CSMD1: variants seen among roughly 807,000 people sequenced by gnomAD.
The protein encoded by CSMD1 is CUB and sushi domain-containing protein 1.
CSMD1 carries 213 observed loss-of-function variants against 417.5 expected under a neutral mutation model. The ratio of observed to expected loss-of-function variants is 0.51; its 90% confidence interval spans 0.46 to 0.57. CSMD1 has a LOEUF of 0.57. Among genes scored for constraint, CSMD1 ranks in the 20% least tolerant of loss-of-function variants. The pLI is 0.00. For missense variants in CSMD1, 6,923 were observed against 4,529.7 expected, an observed-to-expected ratio of 1.53 and a Z score of -15.17; for synonymous variants, 2,862 against 1,736.8, an observed-to-expected ratio of 1.65 and a Z score of -16.11.
chr8:3,339,825 G>T (rs1397435342), intron 23 of CSMD1, among the ~76,000 whole-genome samples: 1 of 152,146 alleles, frequency 6.6e-6, no homozygotes, highest in Non-Finnish European at 1.5e-5. Flanking sequence ...CGATTTCACA[G>T]AGCTATGGGT....
intron 26 of CSMD1, among the ~76,000 whole-genome samples, chr8:3,261,317 C>T (rs947082231): frequency 1.3e-5 from 2 of 151,998 alleles, no homozygotes; most frequent in Non-Finnish European, 2.9e-5. Context: ...CAGTTAAAAG[C>T]AAAACATTCA....
At position 4,170,824 on chromosome 8, in the gene CSMD1, C is replaced by A. The variant is rs1014129578; in HGVS notation, c.416-138725G>T. ...TTACCTATGTATTCATCATGATCTT[C>A]TCTCATTTATAACATAAGCATGAAT... On this transcript the variant is annotated intron_variant, in intron 3 of 69. Coordinates refer to ENST00000635120, the MANE Select transcript of CSMD1 (RefSeq NM_033225.6). Among the ~76,000 whole-genome samples the A allele has an allele frequency of 2.0e-5, 3 of 151,680 alleles. 1 individual carries two copies. The highest frequency in any genetic ancestry group is 4.4e-5 in the Non-Finnish European group (3 of 68,002).
intron 3 of CSMD1, among the ~76,000 whole-genome samples, chr8:4,220,755 G>T (rs1372033108): frequency 6.6e-6 from 1 of 152,158 alleles, no homozygotes; most frequent in South Asian, 2.1e-4. Flanking sequence ...AGAGAAACAG[G>T]GTGGAGAATA....
rs186721539 is a variant in CSMD1, at chr8:3,095,229, C to G, written c.7138+1620G>C. ...ATGTCCTTTGTAGGGATATATATGT[C>G]TATATATACACAAACACAAACACAG... is the stretch of plus-strand genomic sequence containing the variant. On this transcript the variant is annotated intron_variant, in intron 47 of 69. Transcript: ENST00000635120. 4.6e-3 allele frequency among the ~76,000 whole-genome samples: 705 copies of G among 152,168 alleles called. 4 individuals carry two copies. Among genetic ancestry groups the G allele is most frequent in the African/African-American group, 0.016 (671 of 41,536 alleles).
At chr8:4,204,786 C>G (rs901695081) in intron 3 of CSMD1, among the ~76,000 whole-genome samples, 1 of 152,108 alleles carries the variant, frequency 6.6e-6, no homozygotes, top group African/African-American at 2.4e-5. Context: ...TCCTGAGTAG[C>G]TGAGACCACA....
At chr8:3,532,416 G>A (rs1798021217) in intron 10 of CSMD1, among the ~76,000 whole-genome samples, 1 of 152,130 alleles carries the variant, frequency 6.6e-6, no homozygotes, top group Middle Eastern at 3.2e-3. Context: ...GAAGAAAGAT[G>A]GACTTGTGGC....
intron 3 of CSMD1, among the ~76,000 whole-genome samples, chr8:4,311,540 C>T (rs6995773): frequency 0.43 from 65,281 of 151,640 alleles, 15,901 homozygotes; most frequent in Non-Finnish European, 0.55. Context: ...CTGACCAATA[C>T]GGTGAAACCC....
chr8:3,709,970 A>G (rs1041726082), intron 6 of CSMD1, among the ~76,000 whole-genome samples: 3 of 151,542 alleles, frequency 2.0e-5, no homozygotes, highest in African/African-American at 7.3e-5. Flanking sequence ...ACCCCCACAC[A>G]CAGCTGAAAA....
At chr8:4,418,202 A>G (rs1426510103) in intron 3 of CSMD1, among the ~76,000 whole-genome samples, 1 of 152,086 alleles carries the variant, frequency 6.6e-6, no homozygotes, top group South Asian at 2.1e-4. Flanking sequence ...TTTCAAATCG[A>G]AATACCACAA....
intron 4 of CSMD1, among the ~76,000 whole-genome samples, chr8:4,023,854 G>A (rs1019929465): frequency 4.2e-4 from 60 of 143,380 alleles, no homozygotes; most frequent in African/African-American, 8.3e-4. Flanking sequence ...CCTGACCTCG[G>A]GATCTGCCCG....
intron 12 of CSMD1, among the ~76,000 whole-genome samples, chr8:3,410,498 G>T (rs961827065): frequency 6.6e-6 from 1 of 152,126 alleles, no homozygotes; most frequent in African/African-American, 2.4e-5. Context: ...GGCTCAGGAG[G>T]TCTGATGGTT....
intron 8 of CSMD1, among the ~76,000 whole-genome samples, chr8:3,589,830 C>T (rs1800770316): frequency 6.6e-6 from 1 of 152,112 alleles, no homozygotes; most frequent in Non-Finnish European, 1.5e-5. Flanking sequence ...ACAATGTATT[C>T]ATATTCCAGA....
At chr8:4,017,648 G>A (rs565754516) in intron 4 of CSMD1, among the ~76,000 whole-genome samples, 3 of 152,110 alleles carry the variant, frequency 2.0e-5, no homozygotes, top group Admixed American at 1.3e-4. Flanking sequence ...AAATATTAGA[G>A]AGTTCTAATT....
In CSMD1 at chr8:4,824,631, G is replaced by A. The variant is rs182809750; in HGVS notation, c.85+169701C>T. On this transcript the variant is annotated intron_variant, in intron 1 of 69. Coordinates refer to ENST00000635120, the MANE Select transcript of CSMD1 (RefSeq NM_033225.6). Reference sequence around the variant, plus strand: ...TGATGAGGTCTGTGTATGTGTGTGCGAACACACCCAACAGAAGGAATCTCA... The same window carrying A: ...TGATGAGGTCTGTGTATGTGTGTGCAAACACACCCAACAGAAGGAATCTCA... Among the ~76,000 whole-genome samples the A allele has an allele frequency of 3.2e-4, 49 of 152,164 alleles. 1 individual carries two copies. The East Asian group carries it at 4.3e-3, about 13-fold the overall frequency.
At chr8:4,879,624 C>T (rs1005625499) in intron 1 of CSMD1, among the ~76,000 whole-genome samples, 3 of 151,744 alleles carry the variant, frequency 2.0e-5, no homozygotes, top group Non-Finnish European at 4.4e-5. Context: ...GAATCAACAA[C>T]AGTTAAAGAG....
intron 2 of CSMD1, among the ~76,000 whole-genome samples, chr8:4,484,686 G>C (rs1801275284): frequency 6.7e-6 from 1 of 149,060 alleles, no homozygotes; most frequent in African/African-American, 2.5e-5. Flanking sequence ...AAGAGGAAAA[G>C]TCACCGGGCA....
At chr8:4,032,887 G>T (rs1585171320) in intron 3 of CSMD1, among the ~76,000 whole-genome samples, 1 of 152,092 alleles carries the variant, frequency 6.6e-6, no homozygotes. Context: ...AGGCCGTGGT[G>T]GGATGGGGCA....
rs367690492 is a variant in CSMD1, at chr8:3,865,897, G to A, written c.819-111855C>T. ...GAATTATAAATAGCAATATTTACAA[G>A]TAATTGTCAAAACCACATTAATTAA... On this transcript the variant is annotated intron_variant, in intron 5 of 69. Coordinates refer to ENST00000635120, the MANE Select transcript of CSMD1 (RefSeq NM_033225.6). Among the ~76,000 whole-genome samples the A allele has an allele frequency of 2.1e-4, 32 of 152,258 alleles. No homozygotes were observed. In the East Asian group the frequency reaches 2.7e-3, roughly 13 times the overall value.
chr8:4,429,205 C>G (rs1444067420), intron 2 of CSMD1, among the ~76,000 whole-genome samples: 1 of 151,314 alleles, frequency 6.6e-6, no homozygotes, highest in African/African-American at 2.4e-5. Context: ...AGGATCATGC[C>G]TGCCTTACAC....
Sources: gnomAD v4.1 joint callset for allele counts (sites outside exome capture counted in the v4.1 genomes callset) on GRCh38, gnomAD v4.1.1 for gene constraint, MANE v1.5 for transcripts, NCBI Gene and HGNC (gene_info 2026-07-23, HGNC 2026-07-21) for gene names.